NRG2: variants seen among roughly 807,000 people sequenced by gnomAD.
NRG2 encodes pro-neuregulin-2, membrane-bound isoform.
A neutral mutation model predicts 73.9 loss-of-function variants in NRG2; 27 were observed. That is an observed-to-expected ratio of 0.37 (90% confidence interval 0.27 to 0.50). The LOEUF is 0.50. Ranked by LOEUF, NRG2 falls within the 20% of genes least tolerant of loss-of-function variation. The probability of loss-of-function intolerance (pLI) is 0.96; values close to 1 mark genes in which losing one functional copy is unlikely to be tolerated. For synonymous variants in NRG2, 532 were observed against 541.0 expected (o/e 0.98, Z 0.23); for missense variants, 1,126 against 1,210.1 (o/e 0.93, Z 1.03).
At chr5:139,883,028 T>C (rs955097212) in intron 2 of NRG2, among the ~76,000 whole-genome samples, 1 of 152,032 alleles carries the variant, frequency 6.6e-6, no homozygotes, top group African/African-American at 2.4e-5. Context: ...CTCTGGGTCC[T>C]GGCTAAGGGG....
chr5:139,893,737 G>A (rs186936676), intron 1 of NRG2, among the ~76,000 whole-genome samples: 380 of 152,318 alleles, frequency 2.5e-3, no homozygotes, highest in African/African-American at 8.9e-3. Context: ...AGGGTTCACT[G>A]GAGTTGAGGT....
chr5:139,877,448 G>C (rs1763255405), intron 3 of NRG2, among the ~76,000 whole-genome samples: 1 of 152,232 alleles, frequency 6.6e-6, no homozygotes, highest in South Asian at 2.1e-4. Flanking sequence ...CTTCGGCCTG[G>C]GCGGGCCAAA....
At chr5:140,020,899 A>C (rs1423687950) in intron 1 of NRG2, among the ~76,000 whole-genome samples, 3 of 152,186 alleles carry the variant, frequency 2.0e-5, no homozygotes, top group Non-Finnish European at 4.4e-5. Flanking sequence ...GGGTGAGTAC[A>C]TCTCGGAGCC....
At chr5:139,988,609 A>T (rs1259625933) in intron 1 of NRG2, among the ~76,000 whole-genome samples, 3 of 152,028 alleles carry the variant, frequency 2.0e-5, no homozygotes, top group African/African-American at 7.2e-5. Flanking sequence ...AGAGAGTAAA[A>T]GGATCAGTAG....
At chr5:139,933,894 A>G (rs1333573068) in intron 1 of NRG2, among the ~76,000 whole-genome samples, 2 of 152,206 alleles carry the variant, frequency 1.3e-5, no homozygotes, top group Non-Finnish European at 1.5e-5. Flanking sequence ...TGACAAAATT[A>G]AAGTTAAAAA....
chr5:140,014,196 G>A (rs1759591663), intron 1 of NRG2, among the ~76,000 whole-genome samples: 1 of 151,960 alleles, frequency 6.6e-6, no homozygotes. Context: ...TCTCAATGGC[G>A]ATATCATGTC....
Position 140,004,652 on chromosome 5 carries a change from G to A in NRG2, c.700+37718C>T, listed in dbSNP as rs115405298. Among the ~76,000 whole-genome samples the A allele has an allele frequency of 4.4e-3, 669 of 152,278 alleles. 8 individuals carry two copies. The highest frequency in any genetic ancestry group is 0.016 in the African/African-American group (652 of 41,552). The stretch of plus-strand genomic sequence containing the variant: ...TAACTAATCAACACTCTTCAAAAGT[G>A]TCAAGATCATGGAAGGCAGGGAAAG... On this transcript the variant is annotated intron_variant, in intron 1 of 9. Coordinates refer to ENST00000361474, the MANE Select transcript of NRG2 (RefSeq NM_004883.3).
intron 5 of NRG2, among the ~76,000 whole-genome samples, chr5:139,864,451 A>C (rs1369775129): frequency 6.6e-6 from 1 of 151,320 alleles, no homozygotes; most frequent in Non-Finnish European, 1.5e-5. Context: ...GAAGAAAGGA[A>C]GGGAATAAAA....
intron 1 of NRG2, among the ~76,000 whole-genome samples, chr5:139,978,859 G>C (rs1271448248): frequency 6.6e-6 from 1 of 151,928 alleles, no homozygotes; most frequent in Non-Finnish European, 1.5e-5. Context: ...TGATAGACTG[G>C]ATTAAGAAAA....
rs150926706 is a variant in NRG2 at position 139,917,940 on chromosome 5, G to A, written c.701-30429C>T. On this transcript the variant is annotated intron_variant, in intron 1 of 9. Coordinates refer to ENST00000361474, the MANE Select transcript of NRG2 (RefSeq NM_004883.3). ...TTTTGCTGTTGTTGCTCATGCTTAT[G>A]GTGTCATATCTTAGAAACTATTACC... 6.5e-3 allele frequency among the ~76,000 whole-genome samples: 992 copies of A among 152,096 alleles called. 6 individuals are homozygous for A. Among genetic ancestry groups the A allele is most frequent in the Middle Eastern group, 0.034 (10 of 294 alleles).
intron 1 of NRG2, among the ~76,000 whole-genome samples, chr5:139,933,256 C>T (rs887442024): frequency 2.2e-4 from 34 of 151,662 alleles, no homozygotes; most frequent in Non-Finnish European, 4.9e-4. Flanking sequence ...GCCTGGCTGA[C>T]AGAGTGAGAC....
intron 1 of NRG2, among the ~76,000 whole-genome samples, chr5:139,888,077 C>T (rs1763985774): frequency 2.0e-5 from 3 of 152,082 alleles, no homozygotes; most frequent in Admixed American, 2.0e-4. Context: ...GCTTCACTTC[C>T]TTGCTCCTCT....
intron 1 of NRG2, among the ~76,000 whole-genome samples, chr5:140,016,924 G>A (rs1009798148): frequency 1.3e-5 from 2 of 152,200 alleles, no homozygotes; most frequent in African/African-American, 4.8e-5. Flanking sequence ...GATCACACAG[G>A]GCCTTGGAGG....
At chr5:139,860,248 T>C (rs1762066531) in intron 5 of NRG2, among the ~76,000 whole-genome samples, 1 of 151,852 alleles carries the variant, frequency 6.6e-6, no homozygotes, top group Admixed American at 6.6e-5. Flanking sequence ...GGAGGAAAGG[T>C]AAGTGGGGGT....
At chr5:139,982,371 G>A (rs1316399802) in intron 1 of NRG2, among the ~76,000 whole-genome samples, 3 of 152,050 alleles carry the variant, frequency 2.0e-5, no homozygotes, top group South Asian at 2.1e-4. Context: ...CCCTCTTTAC[G>A]GTGGATCCAA....
intron 1 of NRG2, among the ~76,000 whole-genome samples, chr5:139,968,720 G>A (rs886581359): frequency 2.0e-5 from 3 of 152,178 alleles, no homozygotes; most frequent in African/African-American, 7.2e-5. Flanking sequence ...AACAAGCAAC[G>A]GCATATTATT....
intron 1 of NRG2, among the ~76,000 whole-genome samples, chr5:139,943,477 CT>C (rs1753559810): frequency 6.6e-6 from 1 of 152,102 alleles, no homozygotes; most frequent in Non-Finnish European, 1.5e-5. Flanking sequence ...AGAAATTGTG[CT>C]GTAATGAGAT....
intron 1 of NRG2, among the ~76,000 whole-genome samples, chr5:139,989,065 C>G (rs529523631): frequency 6.6e-6 from 1 of 152,000 alleles, no homozygotes; most frequent in Non-Finnish European, 1.5e-5. Flanking sequence ...TAGACCTTTA[C>G]TGGAGCAAAA....
intron 5 of NRG2, 137 bp from the exon 6 acceptor site, chr5:139,855,915 C>G (rs958889615): frequency 9.1e-6 from 6 of 661,354 alleles, no homozygotes; most frequent in African/African-American, 1.8e-5. Flanking sequence ...CATCCCTTTT[C>G]TCCAGCCAGT....
Sources: allele counts gnomAD v4.1 joint callset (sites outside exome capture counted in the v4.1 genomes callset), GRCh38; gene constraint gnomAD v4.1.1; transcripts MANE v1.5; gene names NCBI Gene and HGNC (gene_info 2026-07-23, HGNC 2026-07-21).